AFAP1: variants seen among roughly 807,000 people sequenced by gnomAD.
The protein encoded by AFAP1 is actin filament associated protein 1.
Under a neutral mutation model 93.9 loss-of-function variants are expected in AFAP1, and 75 were observed. The observed-to-expected ratio is 0.80, with a 90% confidence interval of 0.66 to 0.97. The LOEUF is 0.97. Among genes scored for constraint, AFAP1 ranks in the 50% least tolerant of loss-of-function variants. The pLI, the probability that AFAP1 is intolerant of heterozygous loss-of-function variation, is 0.00. For missense variants in AFAP1, 1,201 were observed against 1,050.8 expected, an observed-to-expected ratio of 1.14 and a Z score of -1.98; for synonymous variants, 517 against 430.7, an observed-to-expected ratio of 1.20 and a Z score of -2.48.
At chr4:7,834,736 C>T (rs1235995693) in intron 6 of AFAP1, among the ~76,000 whole-genome samples, 1 of 152,240 alleles carries the variant, frequency 6.6e-6, no homozygotes, top group Admixed American at 6.5e-5. Context: ...GAGATCCAAG[C>T]TGTAGTCCAG....
intron 6 of AFAP1, among the ~76,000 whole-genome samples, chr4:7,837,464 C>A (rs1348350657): frequency 6.6e-6 from 1 of 152,102 alleles, no homozygotes; most frequent in Non-Finnish European, 1.5e-5. Flanking sequence ...GGAAGCAGGC[C>A]CTCACCAGAC....
At chr4:7,937,819 T>C (rs148713847) in intron 1 of AFAP1, among the ~76,000 whole-genome samples, 3 of 152,324 alleles carry the variant, frequency 2.0e-5, no homozygotes, top group Middle Eastern at 3.4e-3. Context: ...TACTCTGCAC[T>C]ATGCAACAAA....
intron 1 of AFAP1, among the ~76,000 whole-genome samples, chr4:7,886,816 C>T (rs1297570059): frequency 6.6e-6 from 1 of 152,264 alleles, no homozygotes; most frequent in Non-Finnish European, 1.5e-5. Flanking sequence ...TTGACATAAA[C>T]CAGGCTGGTT....
Position 7,835,049 on chromosome 4 carries a change from G to A in AFAP1, c.726+3475C>T, listed in dbSNP as rs377108142. Among the ~76,000 whole-genome samples, 712 of 98,330 alleles carry A rather than the reference G, an allele frequency of 7.2e-3. 3 individuals are homozygous for A. The highest frequency in any genetic ancestry group is 0.03 in the East Asian group (39 of 1,314). The allele number at this position is 98,330 out of a possible 152,430, so 64.5% of individuals were successfully genotyped here. A position where few individuals can be genotyped will look rare whatever the true frequency, so the allele number is the denominator to read the frequency against. On this transcript the variant is annotated intron_variant, in intron 6 of 17. Transcript: ENST00000420658. ...TGAATGGACTGTGGGCTGCCTTAAG[G>A]TTACCTGGGTGGCTCTTGAATGGAC...
At chr4:7,776,757 A>G (rs1358625406) in intron 14 of AFAP1, 1 of 152,228 alleles carries the variant, frequency 6.6e-6, no homozygotes, top group Admixed American at 6.5e-5. Context: ...AATCTGAAAC[A>G]AAAGGATCGC....
At chr4:7,854,519 C>T (rs912668662) in intron 4 of AFAP1, among the ~76,000 whole-genome samples, 9 of 152,154 alleles carry the variant, frequency 5.9e-5, no homozygotes, top group South Asian at 2.1e-4. Flanking sequence ...GGAATAGCCG[C>T]GCTCGTAGAC....
intron 1 of AFAP1, among the ~76,000 whole-genome samples, chr4:7,884,993 G>C (rs1458930609): frequency 6.6e-6 from 1 of 152,084 alleles, no homozygotes; most frequent in Non-Finnish European, 1.5e-5. Flanking sequence ...GGAGAGGCTG[G>C]GTCAATGGTT....
At chr4:7,926,803 A>G (rs773173786) in intron 1 of AFAP1, among the ~76,000 whole-genome samples, 3 of 152,062 alleles carry the variant, frequency 2.0e-5, no homozygotes, top group Non-Finnish European at 2.9e-5. Flanking sequence ...GCAGCGCACT[A>G]TTAGCTCACT....
intron 1 of AFAP1, among the ~76,000 whole-genome samples, chr4:7,880,979 C>T (rs540526728): frequency 6.6e-6 from 1 of 152,210 alleles, no homozygotes. Flanking sequence ...TATTTGCATC[C>T]TGAATTACAC....
chr4:7,802,320 T>G (rs1719120255), intron 9 of AFAP1, among the ~76,000 whole-genome samples: 1 of 152,240 alleles, frequency 6.6e-6, no homozygotes, highest in Admixed American at 6.5e-5. Flanking sequence ...GCCGCCCTCT[T>G]GTGTTCAGAG....
rs1219089759 is a variant in AFAP1 at position 7,915,084 on chromosome 4, A to C, written c.-3+24572T>G. Among the ~76,000 whole-genome samples the C allele has an allele frequency of 2.6e-5, 4 of 152,122 alleles. No individual in the cohort carries two copies. The East Asian group carries it at 7.7e-4, about 29-fold the overall frequency. On this transcript the variant is annotated intron_variant, in intron 1 of 17. Transcript: ENST00000420658. Reference sequence around the variant, plus strand: ...TTTTTAGTAGAGACAGGGTTTCACTATGTTGGCCAGGCTGGTTTCAAACTC... The same window carrying C: ...TTTTTAGTAGAGACAGGGTTTCACTCTGTTGGCCAGGCTGGTTTCAAACTC...
rs141537732 is a variant in AFAP1, at chr4:7,933,091, G to C, written c.-3+6565C>G. Reference sequence around the variant, plus strand: ...GATTTGCAAAAAAAAATTGGTATCTGTTAACCAGAGGCATTGAAAACCACC... The same window carrying C: ...GATTTGCAAAAAAAAATTGGTATCTCTTAACCAGAGGCATTGAAAACCACC... On this transcript the variant is annotated intron_variant, in intron 1 of 17. Transcript: ENST00000420658. 3.0e-3 allele frequency among the ~76,000 whole-genome samples: 452 copies of C among 149,516 alleles called. 2 individuals carry two copies. Among genetic ancestry groups the C allele is most frequent in the Non-Finnish European group, 4.9e-3 (332 of 67,544 alleles).
At chr4:7,883,857 C>T (rs1442546888) in intron 1 of AFAP1, among the ~76,000 whole-genome samples, 1 of 151,922 alleles carries the variant, frequency 6.6e-6, no homozygotes. Flanking sequence ...TTGGATAGGA[C>T]AACTTAACAT....
intron 9 of AFAP1, among the ~76,000 whole-genome samples, chr4:7,806,365 C>T (rs1300270491): frequency 6.6e-6 from 1 of 152,198 alleles, no homozygotes; most frequent in Non-Finnish European, 1.5e-5. Context: ...TCCCCTGCCC[C>T]CACAAACAAG....
Position 7,769,026 on chromosome 4 carries a change from A to C in AFAP1, c.2254-18T>G. 1 of 1,575,626 alleles carries C rather than the reference A, an allele frequency of 6.3e-7. No individual in the cohort carries two copies. The highest frequency in any genetic ancestry group is 8.7e-7 in the Non-Finnish European group (1 of 1,154,358). ...ACTGGAGACTTAACGGAGAGAGAGA[A>C]CCCCATGTGATGAGCGGTTTCTGGG... On this transcript the variant is annotated intron_variant, in intron 16 of 17. Transcript: ENST00000420658.
At chr4:7,775,657 A>AG (rs1445291963) in intron 14 of AFAP1, 1 of 152,240 alleles carries the variant, frequency 6.6e-6, no homozygotes, top group African/African-American at 2.4e-5. Context: ...AGAGGCAACC[A>AG]GGAGCGGTAT....
At chr4:7,837,157 C>T (rs748544630) in intron 6 of AFAP1, among the ~76,000 whole-genome samples, 6 of 152,172 alleles carry the variant, frequency 3.9e-5, no homozygotes, top group Non-Finnish European at 7.4e-5. Flanking sequence ...GAAGAAACAA[C>T]TAGAAATTCT....
At chr4:7,919,569 C>T (rs551440269) in intron 1 of AFAP1, among the ~76,000 whole-genome samples, 3 of 152,070 alleles carry the variant, frequency 2.0e-5, no homozygotes, top group Non-Finnish European at 4.4e-5. Context: ...AAGCCATGTG[C>T]GAAAGAGCTT....
chr4:7,888,471 T>C (rs1421009299), intron 1 of AFAP1, among the ~76,000 whole-genome samples: 6 of 152,170 alleles, frequency 3.9e-5, no homozygotes, highest in Admixed American at 3.3e-4. Flanking sequence ...TAAGGAAATA[T>C]TATGAATAGC....
Sources: allele counts gnomAD v4.1 joint callset (sites outside exome capture counted in the v4.1 genomes callset), GRCh38; gene constraint gnomAD v4.1.1; transcripts MANE v1.5; gene names NCBI Gene and HGNC (gene_info 2026-07-23, HGNC 2026-07-21).